CRADD: variants seen among roughly 807,000 people sequenced by gnomAD.
CRADD encodes death domain-containing protein CRADD.
Under a neutral mutation model 15.5 loss-of-function variants are expected in CRADD, and 9 were observed. The observed-to-expected ratio is 0.58, with a 90% confidence interval of 0.35 to 1.01. The LOEUF (loss-of-function observed/expected upper bound fraction) is 1.01. Among genes scored for constraint, CRADD ranks in the 50% least tolerant of loss-of-function variants. The pLI, the probability that CRADD is intolerant of heterozygous loss-of-function variation, is 0.02. For synonymous variants in CRADD, 118 were observed against 107.6 expected, an observed-to-expected ratio of 1.10 and a Z score of -0.60; for missense variants, 227 against 250.3, an observed-to-expected ratio of 0.91 and a Z score of 0.63.
chr12:93,728,910 C>A (rs1413513444), intron 2 of CRADD, among the ~76,000 whole-genome samples: 2 of 152,138 alleles, frequency 1.3e-5, no homozygotes, highest in Admixed American at 1.3e-4. Context: ...AGCATAGCTA[C>A]AACAGGAAGT....
intron 2 of CRADD, among the ~76,000 whole-genome samples, chr12:93,696,531 G>A (rs1476007885): frequency 1.3e-5 from 2 of 152,120 alleles, no homozygotes; most frequent in African/African-American, 4.8e-5. Context: ...ATCTAAAAAA[G>A]TTGAACTCAT....
intron 2 of CRADD, among the ~76,000 whole-genome samples, chr12:93,890,561 A>G (rs1160186372): frequency 6.6e-6 from 1 of 151,616 alleles, no homozygotes; most frequent in Non-Finnish European, 1.5e-5. Context: ...GGGGAAGGGC[A>G]GGAGCCCAGA....
At chr12:93,724,946 C>T (rs184625776) in intron 2 of CRADD, among the ~76,000 whole-genome samples, 185 of 152,054 alleles carry the variant, frequency 1.2e-3, no homozygotes, top group African/African-American at 4.2e-3. Flanking sequence ...CTGCAAGCTC[C>T]GCCTCCCGGG....
At chr12:93,780,851 A>G (rs1034403461) in intron 2 of CRADD, among the ~76,000 whole-genome samples, 1 of 106,260 alleles carries the variant, frequency 9.4e-6, no homozygotes, top group South Asian at 4.0e-4. Context: ...AGTGATTCTC[A>G]TATCTCAGCC....
chr12:93,817,467 C>T (rs1470886685), intron 2 of CRADD, among the ~76,000 whole-genome samples: 1 of 152,158 alleles, frequency 6.6e-6, no homozygotes, highest in Non-Finnish European at 1.5e-5. Context: ...GAAACAGAGG[C>T]AACAGAGGTT....
chr12:93,695,687 G>A (rs976209704), intron 2 of CRADD, among the ~76,000 whole-genome samples: 1 of 152,226 alleles, frequency 6.6e-6, no homozygotes, highest in African/African-American at 2.4e-5. Context: ...TGGCTTGTCT[G>A]AGGTCAAGAG....
intron 2 of CRADD, among the ~76,000 whole-genome samples, chr12:93,715,614 A>C (rs986925003): frequency 1.3e-5 from 2 of 152,194 alleles, no homozygotes; most frequent in African/African-American, 4.8e-5. Context: ...TATCTACAAA[A>C]ATAAATAAAT....
chr12:93,879,484 T>C (rs1298465707), intron 2 of CRADD, among the ~76,000 whole-genome samples: 2 of 152,184 alleles, frequency 1.3e-5, no homozygotes, highest in Non-Finnish European at 2.9e-5. Flanking sequence ...ACCAATTGTT[T>C]AGGTTCCCTT....
At chr12:93,707,950 G>T (rs1284191959) in intron 2 of CRADD, 2 of 152,178 alleles carry the variant, frequency 1.3e-5, no homozygotes, top group Non-Finnish European at 2.9e-5. Flanking sequence ...TTGATGGATG[G>T]AGACTCTAAA....
At chr12:93,862,250 G>A (rs563796980) in intron 2 of CRADD, among the ~76,000 whole-genome samples, 1 of 152,238 alleles carries the variant, frequency 6.6e-6, no homozygotes, top group South Asian at 2.1e-4. Context: ...CAAGGCCCAT[G>A]GTGCAATAAT....
At chr12:93,692,233 C>G (rs867421051) in intron 2 of CRADD, among the ~76,000 whole-genome samples, 2 of 152,074 alleles carry the variant, frequency 1.3e-5, no homozygotes, top group South Asian at 4.1e-4. Flanking sequence ...ATTTATGAGA[C>G]AGCATCAAAA....
intron 2 of CRADD, among the ~76,000 whole-genome samples, chr12:93,867,476 T>C (rs999195240): frequency 1.0e-4 from 15 of 150,196 alleles, no homozygotes; most frequent in South Asian, 2.1e-4. Context: ...TAATTTGCTC[T>C]CTTAATGACT....
At chr12:93,729,781 G>A (rs1360230171) in intron 2 of CRADD, among the ~76,000 whole-genome samples, 7 of 132,846 alleles carry the variant, frequency 5.3e-5, no homozygotes, top group African/African-American at 1.9e-4. Context: ...GAGAGACTCC[G>A]TCTCAAAAAA....
At chr12:93,894,711 C>T (rs1289816607) in exon 3 of CRADD, 2 of 153,062 alleles carry the variant, frequency 1.3e-5, no homozygotes, top group African/African-American at 2.4e-5. Context: ...AGGCCCACAG[C>T]CCCCGCCAGC....
At chr12:93,746,752 G>T (rs1452430418) in intron 2 of CRADD, among the ~76,000 whole-genome samples, 1 of 151,668 alleles carries the variant, frequency 6.6e-6, no homozygotes, top group Non-Finnish European at 1.5e-5. Context: ...TGTATTCAAA[G>T]CCATTGAGAC....
downstream of CRADD, among the ~76,000 whole-genome samples, chr12:93,853,504 A>G (rs1958245628): frequency 6.6e-6 from 1 of 152,232 alleles, no homozygotes; most frequent in Non-Finnish European, 1.5e-5. Context: ...TAAGTATAGC[A>G]ATGTCTTTCA....
At chr12:93,885,853 A>C (rs1189960876) in intron 2 of CRADD, among the ~76,000 whole-genome samples, 1 of 152,120 alleles carries the variant, frequency 6.6e-6, no homozygotes, top group Non-Finnish European at 1.5e-5. Flanking sequence ...AGCCTGGCCA[A>C]CATGGCAAAA....
At chr12:93,859,330 T>C (rs762832015) in intron 2 of CRADD, 1 of 456,068 alleles carries the variant, frequency 2.2e-6, no homozygotes. Context: ...GTGTTGGCCA[T>C]GATCCTTATG....
At chr12:93,768,328 T>G (rs1449308794) in intron 2 of CRADD, among the ~76,000 whole-genome samples, 1 of 152,224 alleles carries the variant, frequency 6.6e-6, no homozygotes, top group Non-Finnish European at 1.5e-5. Context: ...TTCACAAGTG[T>G]ATTTAAATTT....
Sources: gnomAD v4.1 joint callset for allele counts (sites outside exome capture counted in the v4.1 genomes callset) on GRCh38, gnomAD v4.1.1 for gene constraint, MANE v1.5 for transcripts, NCBI Gene and HGNC (gene_info 2026-07-23, HGNC 2026-07-21) for gene names.